The following ZNF707 variants were observed in gnomAD, a reference collection of about 807,000 sequenced individuals.
ZNF707 encodes the protein zinc finger protein 707.
A neutral mutation model predicts 13.3 loss-of-function variants in ZNF707; 8 were observed. The ratio of observed to expected loss-of-function variants is 0.60; its 90% confidence interval spans 0.35 to 1.09. The LOEUF is 1.09. ZNF707 is among the 50% of genes least tolerant of loss of function. The probability of loss-of-function intolerance (pLI) is 0.02; values close to 1 mark genes in which losing one functional copy is unlikely to be tolerated. For synonymous variants in ZNF707, 225 were observed against 205.6 expected (o/e 1.09, Z -0.81); for missense variants, 530 against 512.6 (o/e 1.03, Z -0.33).
intron 1 of ZNF707, chr8:143,688,031 G>A (rs1816454590): frequency 6.9e-6 from 1 of 145,084 alleles, no homozygotes; most frequent in Non-Finnish European, 1.5e-5. Flanking sequence ...GGAGTACAGT[G>A]GCGTGATCTC....
chr8:143,695,010 A>T lies in ZNF707; in HGVS notation c.*480A>T, dbSNP rs1220966956. 6.2e-6 allele frequency: 1 copy of T among 162,428 alleles called. No homozygotes were observed. The highest frequency in any genetic ancestry group is 1.3e-5 in the Non-Finnish European group (1 of 74,936). The allele number at this position is 162,428 out of a possible 1,614,324, so 10.1% of individuals were successfully genotyped here. ...GGCGAGGCAGCTGTGAGCATTGCAC[A>T]GAGGCAAAGACCCTCCTGCAGCCTC... On this transcript the variant is annotated 3_prime_UTR_variant, in exon 6 of 6. Coordinates refer to ENST00000358656, the MANE Select transcript of ZNF707 (RefSeq NM_001100598.2).
At chr8:143,690,923 T>G in intron 3 of ZNF707, 150 bp from the exon 4 acceptor site, 2 of 1,047,692 alleles carry the variant, frequency 1.9e-6, no homozygotes, top group South Asian at 3.3e-5. Context: ...ACACAGCCAC[T>G]CGGGGCTCTG....
chr8:143,690,443 G>A (rs1467094340), intron 3 of ZNF707: 2 of 332,394 alleles, frequency 6.0e-6, no homozygotes, highest in Non-Finnish European at 1.1e-5. Context: ...CGCACCTGTA[G>A]GCCCAGCTAC....
At chr8:143,685,605 T>G (rs1039891064) in intron 1 of ZNF707, among the ~76,000 whole-genome samples, 1 of 150,662 alleles carries the variant, frequency 6.6e-6, no homozygotes, top group African/African-American at 2.4e-5. Flanking sequence ...TTGGGGAGGC[T>G]GAGGCCAGAG....
At chr8:143,688,145 TG>T (rs1816466287) in intron 1 of ZNF707, 1 of 151,902 alleles carries the variant, frequency 6.6e-6, no homozygotes, top group Non-Finnish European at 1.5e-5. Flanking sequence ...GCTAATTTTT[TG>T]TTTTTTAGTA....
At chr8:143,691,503 G>T (rs1230878112) in intron 4 of ZNF707, 97 bp from the exon 5 acceptor site, 133 of 1,351,104 alleles carry the variant, frequency 9.8e-5, no homozygotes, top group Non-Finnish European at 1.3e-4. Context: ...CCGAGGGCTG[G>T]CCTGGCGTCT....
In ZNF707 at chr8:143,690,092, G is replaced by A. The variant is rs1554613087; in HGVS notation, c.-17G>A. 1 of 1,608,860 alleles carries A rather than the reference G, an allele frequency of 6.2e-7. No homozygotes were observed. Among genetic ancestry groups the A allele is most frequent in the Non-Finnish European group, 8.5e-7 (1 of 1,179,768 alleles). The stretch of plus-strand genomic sequence containing the variant: ...CTTGGCACTGTGCTTCCCCAGAGGG[G>A]TGGCCTCGCTGTTCCCATGGACATG... On this transcript the variant is annotated 5_prime_UTR_variant, in exon 3 of 6. It adds an upstream start codon to the 5' untranslated region. Coordinates refer to ENST00000358656, the MANE Select transcript of ZNF707 (RefSeq NM_001100598.2).
intron 5 of ZNF707, chr8:143,692,304 C>G: frequency 7.8e-7 from 1 of 1,289,750 alleles, no homozygotes; most frequent in Non-Finnish European, 1.0e-6. Flanking sequence ...ATGTGGAGTC[C>G]CCGACTGTGG....
In ZNF707 at chr8:143,694,535, G is replaced by T. The variant is rs202174797; in HGVS notation, c.*5G>T. 3 of 1,588,678 alleles carry T rather than the reference G, an allele frequency of 1.9e-6. No homozygotes were observed. The highest frequency in any genetic ancestry group is 3.4e-5 in the Admixed American group (2 of 58,710). On this transcript the variant is annotated 3_prime_UTR_variant, in exon 6 of 6. Coordinates refer to ENST00000358656, the MANE Select transcript of ZNF707 (RefSeq NM_001100598.2). The surrounding 1 kb of genome is among the most constrained non-coding windows in gnomAD (Gnocchi z 4.4). ...CACAGGCACGGGGAGGTGTAGGGGC[G>T]CCCGAAGAGTGGGGTGCTGCGCCTC...
intron 1 of ZNF707, among the ~76,000 whole-genome samples, chr8:143,687,646 T>C (rs1437060612): frequency 6.6e-6 from 1 of 152,232 alleles, no homozygotes; most frequent in Non-Finnish European, 1.5e-5. Context: ...TACTTCTTTC[T>C]TTGTAATCTT....
At position 143,693,816 on chromosome 8, in the gene ZNF707, C is replaced by T; in HGVS notation, c.402C>T (p.Pro134=). The T allele has an allele frequency of 6.2e-7, 1 of 1,612,758 alleles. No individual in the cohort carries two copies. Residue 134 remains proline, a synonymous_variant, in exon 6 of 6, where the codon CCC becomes CCT. Transcript: ENST00000358656. This position sits in a 1 kb window ranked among gnomAD's most constrained non-coding sequence, Gnocchi z 4.1. The part of the protein sequence containing the change: ...FRLDTDDGQL[P]RAAPERTDAK... ...TGGACACGGATGACGGGCAGCTTCC[C>T]AGAGCTGCTCCAGAAAGGACAGACG...
chr8:143,694,141 C>G lies in ZNF707; in HGVS notation c.727C>G (p.Leu243Val), dbSNP rs1817115418. 6.3e-7 allele frequency: 1 copy of G among 1,592,806 alleles called. No homozygotes were observed. Among genetic ancestry groups the G allele is most frequent in the Non-Finnish European group, 8.6e-7 (1 of 1,169,524 alleles). ...CCEACGQAFS[L>V]KDRLAQHRKV... ...CGAGGCCTGCGGGCAGGCGTTCAGC[C>G]TGAAGGACCGCCTGGCTCAGCACCG... Residue 243 changes from leucine to valine, a missense_variant, in exon 6 of 6, where the codon CTG becomes GTG. Transcript: ENST00000358656. This position sits in a 1 kb window ranked among gnomAD's most constrained non-coding sequence, Gnocchi z 4.4.
intron 1 of ZNF707, among the ~76,000 whole-genome samples, chr8:143,686,278 G>A (rs1816262580): frequency 6.6e-6 from 1 of 152,050 alleles, no homozygotes; most frequent in African/African-American, 2.4e-5. Flanking sequence ...CACCATGTTG[G>A]CCAGGCTGGT....
intron 1 of ZNF707, chr8:143,688,098 G>C (rs746082647): frequency 6.7e-6 from 1 of 150,132 alleles, no homozygotes; most frequent in African/African-American, 2.5e-5. Flanking sequence ...TCAACTTCCC[G>C]AGTAGCTGGG....
rs1291918961 is a variant in ZNF707, at chr8:143,694,231, T to G, written c.817T>G (p.Ser273Ala). Residue 273 changes from serine to alanine, a missense_variant, in exon 6 of 6, where the codon TCC (serine) becomes GCC (alanine). Ser to Ala is a moderately conservative substitution (Grantham distance 99, BLOSUM62 1). Coordinates refer to ENST00000358656, the MANE Select transcript of ZNF707 (RefSeq NM_001100598.2). The surrounding 1 kb of genome is among the most constrained non-coding windows in gnomAD (Gnocchi z 4.4). ...CTGTGGGAAAGCCTTCAAGCAGAAG[T>G]CCAACCTTCTCAGACACCAGCTGGT... The part of the protein sequence containing the change: ...GDCGKAFKQK[S>A]NLLRHQLVHT... The G allele has an allele frequency of 6.3e-7, 1 of 1,585,908 alleles. No individual in the cohort carries two copies. Among genetic ancestry groups the G allele is most frequent in the Non-Finnish European group, 8.6e-7 (1 of 1,166,592 alleles).
chr8:143,693,938 C>G lies in ZNF707; in HGVS notation c.524C>G (p.Ser175Ter), dbSNP rs377311170. Reference protein sequence around the residue: ...ERRKQRAVELSFICGTCGKAL... With the variant: ...ERRKQRAVEL ...CGGAAGCAGCGCGCAGTAGAGCTGT[C>G]ATTCATCTGCGGCACGTGCGGGAAG... The change falls in exon 6 of 6, where the codon TCA becomes TGA. Residue 175 changes from serine (S) to a stop codon, truncating the protein, a stop_gained. Coordinates refer to ENST00000358656, the MANE Select transcript of ZNF707 (RefSeq NM_001100598.2). LOFTEE classifies it low-confidence loss of function (END_TRUNC). The surrounding 1 kb of genome is among the most constrained non-coding windows in gnomAD (Gnocchi z 4.1). The G allele has an allele frequency of 3.7e-6, 6 of 1,605,544 alleles. No individual in the cohort carries two copies. Among genetic ancestry groups the G allele is most frequent in the East Asian group, 4.5e-5 (2 of 44,650 alleles).
chr8:143,691,136 C>G lies in ZNF707; in HGVS notation c.79C>G (p.Pro27Ala). Residue 27 changes from proline to alanine, a missense_variant, in exon 4 of 6, where the codon CCC becomes GCC. Pro to Ala is a conservative substitution (Grantham distance 27). Transcript: ENST00000358656. ...FSREEWACLE[P>A]SQRALYRDVM... ...AAGGGAGGAGTGGGCGTGTCTGGAA[C>G]CCAGCCAGAGGGCCCTCTACCGGGA... 4 of 1,613,868 alleles carry G rather than the reference C, an allele frequency of 2.5e-6. No individual in the cohort carries two copies. Among genetic ancestry groups the G allele is most frequent in the Non-Finnish European group, 3.4e-6 (4 of 1,179,856 alleles).
In ZNF707 at chr8:143,693,920, AGC is replaced by A. The variant is rs782372557; in HGVS notation, c.511_512del (p.Ala171SerfsTer290). On this transcript the variant is annotated frameshift_variant, in exon 6 of 6. Coordinates refer to ENST00000358656, the MANE Select transcript of ZNF707 (RefSeq NM_001100598.2). LOFTEE classifies it low-confidence loss of function (END_TRUNC). The surrounding 1 kb of genome is among the most constrained non-coding windows in gnomAD (Gnocchi z 4.1). ...CCGGGCCGCAGAGAGCGCCGGAAGC[AGC>A]GCGCAGTAGAGCTGTCATTCATCTG... 1 of 1,606,658 alleles carries A rather than the reference AGC, an allele frequency of 6.2e-7. No homozygotes were observed. The highest frequency in any genetic ancestry group is 1.1e-5 in the South Asian group (1 of 90,706).
intron 3 of ZNF707, chr8:143,690,490 G>T (rs1373909004): frequency 1.6e-5 from 4 of 250,926 alleles, no homozygotes; most frequent in African/African-American, 6.7e-5. Context: ...TTGAACCTGG[G>T]AGGCGGAGGT....
Sources: allele counts gnomAD v4.1 joint callset (sites outside exome capture counted in the v4.1 genomes callset), GRCh38; gene constraint gnomAD v4.1.1; non-coding constraint Gnocchi (gnomAD v3.1); transcripts MANE v1.5; gene names NCBI Gene and HGNC (gene_info 2026-07-23, HGNC 2026-07-21).